The following USP31 variants were observed in gnomAD, a reference collection of about 807,000 sequenced individuals.
USP31 encodes the protein ubiquitin carboxyl-terminal hydrolase 31.
USP31 carries 44 observed loss-of-function variants against 119.4 expected under a neutral mutation model. That is an observed-to-expected ratio of 0.37 (90% CI 0.29 to 0.47). USP31 has a LOEUF of 0.47. Among genes scored for constraint, USP31 ranks in the 20% least tolerant of loss-of-function variants. The probability of loss-of-function intolerance (pLI) is 0.99; values close to 1 mark genes in which losing one functional copy is unlikely to be tolerated. For missense variants in USP31, 1,643 were observed against 1,730.2 expected (o/e 0.95, Z 0.89); for synonymous variants, 749 against 705.6 (o/e 1.06, Z -0.97).
At chr16:23,144,496 T>C (rs1380734569) in intron 1 of USP31, among the ~76,000 whole-genome samples, 1 of 152,130 alleles carries the variant, frequency 6.6e-6, no homozygotes, top group Non-Finnish European at 1.5e-5. Flanking sequence ...TTTCCTTTTT[T>C]TGAGGCAGAG....
chr16:23,081,784 AGGC>A (rs1900840029), intron 12 of USP31, among the ~76,000 whole-genome samples: 1 of 152,156 alleles, frequency 6.6e-6, no homozygotes, highest in Non-Finnish European at 1.5e-5. Flanking sequence ...CCTCTCGTGC[AGGC>A]TGTGCTTTCT....
At chr16:23,108,930 C>T (rs1349863405) in intron 1 of USP31, among the ~76,000 whole-genome samples, 2 of 152,122 alleles carry the variant, frequency 1.3e-5, no homozygotes, top group Non-Finnish European at 2.9e-5. Flanking sequence ...TCAACAAAGA[C>T]TTAATAAGTG....
intron 6 of USP31, among the ~76,000 whole-genome samples, chr16:23,091,560 C>T (rs532478568): frequency 6.6e-6 from 1 of 152,196 alleles, no homozygotes; most frequent in South Asian, 2.1e-4. Context: ...ATAATAATAC[C>T]ACCAGAAAGA....
At chr16:23,072,595 G>A (rs1006718046) in intron 14 of USP31, 2 of 497,278 alleles carry the variant, frequency 4.0e-6, no homozygotes, top group African/African-American at 3.9e-5. Flanking sequence ...TACACAAAGA[G>A]AAGAGAGGAT....
rs1392078363 is a variant in USP31 at position 23,148,625 on chromosome 16, C to G, written c.633+13G>C. ...TCGGGGTGCAGTGGGGGCGCGGCGG[C>G]GCGCGGGCTCACCTTGAAGTCGCGG... On this transcript the variant is annotated intron_variant, in intron 1 of 15. Transcript: ENST00000219689. 1 of 1,457,146 alleles carries G rather than the reference C, an allele frequency of 6.9e-7. No individual in the cohort carries two copies. Among genetic ancestry groups the G allele is most frequent in the Non-Finnish European group, 9.0e-7 (1 of 1,112,394 alleles). The allele number at this position is 1,457,146 out of a possible 1,614,324, so 90.3% of individuals were successfully genotyped here.
chr16:23,083,658 C>T (rs1459248200), intron 11 of USP31, among the ~76,000 whole-genome samples: 1 of 103,914 alleles, frequency 9.6e-6, no homozygotes, highest in Non-Finnish European at 1.7e-5. Flanking sequence ...TCAACCAATT[C>T]CAAAGCCAAC....
rs1162523168 is a variant in USP31, at chr16:23,108,351, G to C, written c.634-168C>G. On this transcript the variant is annotated intron_variant, in intron 1 of 15. Coordinates refer to ENST00000219689, the MANE Select transcript of USP31 (RefSeq NM_020718.4). ...TGCCAGTGTAAAAACCTCACCCCTA[G>C]AAACATGTACCAGAACCCTTAAAAT... Among the ~76,000 whole-genome samples, 5 of 152,136 alleles carry C rather than the reference G, an allele frequency of 3.3e-5. No individual in the cohort carries two copies. In the South Asian group the frequency reaches 1.0e-3, roughly 31 times the overall value.
rs1899855022 is a variant in USP31, at chr16:23,062,077, C to T, written c.*5969G>A. 1 of 152,582 alleles carries T rather than the reference C, an allele frequency of 6.6e-6. No individual in the cohort carries two copies. Among genetic ancestry groups the T allele is most frequent in the Admixed American group, 6.5e-5 (1 of 15,284 alleles). The allele number at this position is 152,582 out of a possible 1,614,324, so 9.5% of individuals were successfully genotyped here. On this transcript the variant is annotated 3_prime_UTR_variant, in exon 16 of 16. Transcript: ENST00000219689. ...CAACAGATATCATTATTCTGGATGG[C>T]CTTTCTAAAGAAACATTTCCAACTT...
chr16:23,144,173 A>G (rs1903439457), intron 1 of USP31, among the ~76,000 whole-genome samples: 1 of 152,218 alleles, frequency 6.6e-6, no homozygotes, highest in Admixed American at 6.5e-5. Flanking sequence ...CTCTAATTGA[A>G]AAACTTACAA....
At chr16:23,120,269 T>A (rs1346219756) in intron 1 of USP31, among the ~76,000 whole-genome samples, 1 of 152,210 alleles carries the variant, frequency 6.6e-6, no homozygotes, top group Admixed American at 6.5e-5. Flanking sequence ...AAGTTAAAAC[T>A]GAAAAGCCAT....
At chr16:23,148,550 C>T in intron 1 of USP31, 88 bp downstream of exon 1, 1 of 1,379,698 alleles carries the variant, frequency 7.2e-7, no homozygotes, top group Non-Finnish European at 9.3e-7. Flanking sequence ...CCTGCCGGGC[C>T]AAGAGGAACC....
At position 23,144,574 on chromosome 16, in the gene USP31, G is replaced by C. The variant is rs560096381; in HGVS notation, c.633+4064C>G. 3.5e-3 allele frequency among the ~76,000 whole-genome samples: 527 copies of C among 152,186 alleles called. 2 individuals carry two copies. The highest frequency in any genetic ancestry group is 5.3e-3 in the Admixed American group (81 of 15,286). On this transcript the variant is annotated intron_variant, in intron 1 of 15. Transcript: ENST00000219689. ...TGCTCACTGCAACCTCCACCTCCTG[G>C]GTTCAAGAGATTCTCGTGCCTCAGC...
At chr16:23,105,268 T>C (rs1286666857) in intron 5 of USP31, among the ~76,000 whole-genome samples, 173 bp downstream of exon 5, 2 of 152,178 alleles carry the variant, frequency 1.3e-5, no homozygotes, top group East Asian at 1.9e-4. Context: ...ACATGAAAAG[T>C]TTCTATATAC....
rs773752917 is a variant in USP31, at chr16:23,068,770, G to A, written c.3335C>T (p.Pro1112Leu). 6.3e-7 allele frequency: 1 copy of A among 1,578,358 alleles called. No homozygotes were observed. Among genetic ancestry groups the A allele is most frequent in the East Asian group, 2.2e-5 (1 of 44,598 alleles). The change falls in exon 16 of 16, where the codon CCA becomes CTA. Residue 1112 changes from proline (P) to leucine (L), a missense_variant. Transcript: ENST00000219689. The part of the protein sequence containing the change: ...KSQDSVSSPS[P>L]QKQKSASALT... ...GGCCGAGGCTGACTTCTGCTTCTGTGGCGAAGGAGATGACACGGAGTCCTG... is the reference window on the plus strand; with the variant it reads ...GGCCGAGGCTGACTTCTGCTTCTGTAGCGAAGGAGATGACACGGAGTCCTG...
intron 1 of USP31, among the ~76,000 whole-genome samples, chr16:23,111,687 C>T: frequency 6.6e-6 from 1 of 151,968 alleles, no homozygotes; most frequent in Non-Finnish European, 1.5e-5. Context: ...AGCCAGAGGA[C>T]AGAATGCAGA....
Position 23,068,562 on chromosome 16 carries a change from C to T in USP31, c.3543G>A (p.Val1181=), listed in dbSNP as rs772290417. Residue 1181 remains valine, a synonymous_variant, in exon 16 of 16, where the codon GTG becomes GTA. Coordinates refer to ENST00000219689, the MANE Select transcript of USP31 (RefSeq NM_020718.4). The stretch of plus-strand genomic sequence containing the variant: ...TGCCCTCCCCTGCTCGGGCCTGGCT[C>T]ACCCGAGGGGAATTGGGTTTGGAGG... ...TSTSKPNSPR[V]SQARAGEGRG... 3.7e-6 allele frequency: 6 copies of T among 1,614,010 alleles called. No individual in the cohort carries two copies. The highest frequency in any genetic ancestry group is 5.1e-6 in the Non-Finnish European group (6 of 1,180,016).
intron 14 of USP31, among the ~76,000 whole-genome samples, chr16:23,072,758 T>C (rs1900399054): frequency 6.6e-6 from 1 of 152,180 alleles, no homozygotes; most frequent in African/African-American, 2.4e-5. Context: ...GAAATTGCTC[T>C]TGAAACAGAG....
chr16:23,066,059 A>C lies in USP31; in HGVS notation c.*1987T>G, dbSNP rs1900054300. 1 of 152,248 alleles carries C rather than the reference A, an allele frequency of 6.6e-6. No homozygotes were observed. Among genetic ancestry groups the C allele is most frequent in the Non-Finnish European group, 1.5e-5 (1 of 68,042 alleles). The allele number at this position is 152,248 out of a possible 1,614,324, so 9.4% of individuals were successfully genotyped here. On this transcript the variant is annotated 3_prime_UTR_variant, in exon 16 of 16. Coordinates refer to ENST00000219689, the MANE Select transcript of USP31 (RefSeq NM_020718.4). Reference sequence around the variant, plus strand: ...GTGATGTGCTGGGCTGAACGCAATGACAGCATCGAAGGCAGCCAGTTGCCG... The same window carrying C: ...GTGATGTGCTGGGCTGAACGCAATGCCAGCATCGAAGGCAGCCAGTTGCCG...
intron 1 of USP31, among the ~76,000 whole-genome samples, chr16:23,147,655 T>A (rs1158935872): frequency 6.6e-6 from 1 of 152,166 alleles, no homozygotes; most frequent in African/African-American, 2.4e-5. Flanking sequence ...CCCAGGGATG[T>A]ATAGCTCACC....
Sources: gnomAD v4.1 joint callset for allele counts (sites outside exome capture counted in the v4.1 genomes callset) on GRCh38, gnomAD v4.1.1 for gene constraint, MANE v1.5 for transcripts, NCBI Gene and HGNC (gene_info 2026-07-23, HGNC 2026-07-21) for gene names.